The following ASPM variants were observed in gnomAD, a reference collection of about 807,000 sequenced individuals.
ASPM encodes the protein assembly factor for spindle microtubules, also known as abnormal spindle-like microcephaly-associated protein.
Under a neutral mutation model 366.4 loss-of-function variants are expected in ASPM, and 256 were observed. The observed-to-expected ratio is 0.70, with a 90% CI of 0.63 to 0.77. The LOEUF (loss-of-function observed/expected upper bound fraction) is 0.77. ASPM is among the 30% of genes least tolerant of loss of function. The probability of loss-of-function intolerance (pLI) is 0.00; values close to 1 mark genes in which losing one functional copy is unlikely to be tolerated. For synonymous variants in ASPM, 1,414 were observed against 1,342.9 expected, an observed-to-expected ratio of 1.05 and a Z score of -1.16; for missense variants, 4,146 against 4,090.4, an observed-to-expected ratio of 1.01 and a Z score of -0.37.
At chr1:197,137,682 T>C (rs1363935218) in intron 4 of ASPM, among the ~76,000 whole-genome samples, 1 of 152,210 alleles carries the variant, frequency 6.6e-6, no homozygotes, top group African/African-American at 2.4e-5. Flanking sequence ...GGTTTCACCA[T>C]GCCAGCCGGG....
At chr1:197,088,065 A>G in intron 26 of ASPM, 191 bp downstream of exon 26, 1 of 577,414 alleles carries the variant, frequency 1.7e-6, no homozygotes, top group Non-Finnish European at 3.0e-6. Flanking sequence ...TTCAGAATTC[A>G]GTTTCTTTAA....
intron 3 of ASPM, 117 bp downstream of exon 3, chr1:197,142,214 G>T: frequency 9.0e-7 from 1 of 1,116,738 alleles, no homozygotes; most frequent in Non-Finnish European, 1.3e-6. Context: ...CTAAGGAAAT[G>T]TACCCAGCAA....
Position 197,100,866 on chromosome 1 carries a change from T to C in ASPM, c.8385A>G (p.Gln2795=), listed in dbSNP as rs1190711131. The C allele has an allele frequency of 1.9e-6, 3 of 1,612,596 alleles. No homozygotes were observed. Among genetic ancestry groups the C allele is most frequent in the Non-Finnish European group, 2.5e-6 (3 of 1,179,168 alleles). The change falls in exon 18 of 28, where the codon CAA becomes CAG. Residue 2795 remains glutamine, a synonymous_variant. Transcript: ENST00000367409. ...CAAGGCCAGAAGCTTTATACCACTC[T>C]TGAATCATAACACCTTCACTTTGAA... ...EAVQSEGVMI[Q]EWYKASGLAC... is the part of the protein sequence containing the mutation.
chr1:197,129,699 T>TG (rs1184706234), intron 8 of ASPM, among the ~76,000 whole-genome samples: 1 of 151,970 alleles, frequency 6.6e-6, no homozygotes, highest in African/African-American at 2.4e-5. Flanking sequence ...TACAACCTAC[T>TG]GGGGGGAGAG....
In ASPM at chr1:197,096,106, T is replaced by C; in HGVS notation, c.8879A>G (p.Lys2960Arg). The change falls in exon 19 of 28, where the codon AAG (lysine) becomes AGG (arginine). Residue 2960 changes from lysine (K) to arginine (R), a missense_variant. Physicochemically the swap from Lys to Arg is conservative, Grantham distance 26. Around this residue, in one of 3 missense-constraint regions of ASPM, gnomAD observed 3,624 missense variants for 3,591.7 expected, o/e 1.01. Transcript: ENST00000367409. ...CCAACATCTATACCAGGCTTGAATC[T>C]TGCAGGCAGCTTTCACTTTACATAA... Reference protein sequence around the residue: ...KYLCKVKAACKIQAWYRCWRA... With the variant: ...KYLCKVKAACRIQAWYRCWRA... 1 of 1,610,010 alleles carries C rather than the reference T, an allele frequency of 6.2e-7. No individual in the cohort carries two copies. The highest frequency in any genetic ancestry group is 8.5e-7 in the Non-Finnish European group (1 of 1,176,942).
intron 17 of ASPM, among the ~76,000 whole-genome samples, chr1:197,108,045 G>A (rs1223773451): frequency 6.6e-6 from 1 of 151,946 alleles, no homozygotes; most frequent in Admixed American, 6.6e-5. Context: ...TTATCAAATA[G>A]GAAAGAATTG....
chr1:197,101,305 G>A lies in ASPM; in HGVS notation c.7946C>T (p.Ala2649Val), dbSNP rs1657166339. The A allele has an allele frequency of 6.2e-7, 1 of 1,611,668 alleles. No homozygotes were observed. The highest frequency in any genetic ancestry group is 8.5e-7 in the Non-Finnish European group (1 of 1,178,936). Reference protein sequence around the residue: ...KIRKHYLHLRATVVSIQRRYR... With the variant: ...KIRKHYLHLRVTVVSIQRRYR... ...TCTTCTTTGAATAGAAACTACTGTT[G>A]CTCTAAGGTGGAGATAATGCTTCCT... Residue 2649 changes from alanine to valine, a missense_variant, in exon 18 of 28, where the codon GCA becomes GTA. By Grantham distance (64) the Ala-to-Val change is moderately conservative. This residue lies in a region of ASPM where 3,624 missense variants were observed against 3,591.7 expected (regional missense o/e 1.01). Coordinates refer to ENST00000367409, the MANE Select transcript of ASPM (RefSeq NM_018136.5).
At chr1:197,132,572 T>C (rs1017322310) in intron 6 of ASPM, among the ~76,000 whole-genome samples, 3 of 152,010 alleles carry the variant, frequency 2.0e-5, no homozygotes, top group Non-Finnish European at 4.4e-5. Flanking sequence ...AGTTTTGAAA[T>C]ACAAAATCTC....
At chr1:197,126,821 C>A (rs1260019445) in intron 10 of ASPM, among the ~76,000 whole-genome samples, 2 of 152,190 alleles carry the variant, frequency 1.3e-5, no homozygotes, top group African/African-American at 4.8e-5. Context: ...AATCTAGGAT[C>A]TTGTCCTCAT....
intron 19 of ASPM, 116 bp downstream of exon 19, chr1:197,095,881 TA>T (rs1656957811): frequency 1.0e-6 from 1 of 963,478 alleles, no homozygotes; most frequent in Non-Finnish European, 1.5e-6. Flanking sequence ...ACCAACCATA[TA>T]AATTAAGCAT....
At chr1:197,119,969 G>A (rs996897247) in intron 16 of ASPM, among the ~76,000 whole-genome samples, 2 of 152,080 alleles carry the variant, frequency 1.3e-5, no homozygotes, top group Non-Finnish European at 2.9e-5. Flanking sequence ...TAGGGAGCCT[G>A]CTGCTTAATG....
intron 4 of ASPM, chr1:197,139,335 G>T: frequency 2.9e-6 from 2 of 678,578 alleles, no homozygotes; most frequent in Non-Finnish European, 5.2e-6. Flanking sequence ...GGTGGCTCAC[G>T]CCTGAAATCC....
chr1:197,139,257 C>T, intron 4 of ASPM: 2 of 942,142 alleles, frequency 2.1e-6, no homozygotes, highest in Non-Finnish European at 1.7e-6. Context: ...CATCCTTTTA[C>T]CAACTTTCAC....
Position 197,132,352 on chromosome 1 carries a change from C to G in ASPM, c.2420G>C (p.Gly807Ala). ...CCAATTCAGGACTTTCTGACGTTCT[C>G]CTGAAATGCATGTCAAAGGCAAATA... ...RKDRHLWKDV[G>A]ERQKVLNWLL... Residue 807 changes from glycine to alanine, a missense_variant and splice_region_variant, in exon 7 of 28, where the codon GGA becomes GCA. Gly to Ala is a moderately conservative substitution (Grantham distance 60, BLOSUM62 0). Around this residue, in one of 3 missense-constraint regions of ASPM, gnomAD observed 3,624 missense variants for 3,591.7 expected, o/e 1.01. Coordinates refer to ENST00000367409, the MANE Select transcript of ASPM (RefSeq NM_018136.5). 6.2e-7 allele frequency: 1 copy of G among 1,612,950 alleles called. No individual in the cohort carries two copies. Among genetic ancestry groups the G allele is most frequent in the Non-Finnish European group, 8.5e-7 (1 of 1,179,356 alleles).
In ASPM at chr1:197,088,386, T is replaced by G. The variant is rs942934670; in HGVS notation, c.10031A>C (p.Asp3344Ala). The G allele has an allele frequency of 3.1e-6, 5 of 1,609,998 alleles. No homozygotes were observed. Among genetic ancestry groups the G allele is most frequent in the Non-Finnish European group, 3.4e-6 (4 of 1,176,922 alleles). The change falls in exon 26 of 28, where the codon GAT (aspartate) becomes GCT (alanine). Residue 3344 changes from aspartate (D) to alanine (A), a missense_variant. Coordinates refer to ENST00000367409, the MANE Select transcript of ASPM (RefSeq NM_018136.5). The part of the protein sequence containing the change: ...SAVYDVENCI[D>A]ILLELLQIYR... ...TATCTGCAAAAGCTCCAATAGTATATCTATACAATTTTCTACATCATAAAC... is the reference window on the plus strand; with the variant it reads ...TATCTGCAAAAGCTCCAATAGTATAGCTATACAATTTTCTACATCATAAAC...
Position 197,096,028 on chromosome 1 carries a change from C to A in ASPM, c.8957G>T (p.Gly2986Val), listed in dbSNP as rs374416817. The A allele has an allele frequency of 6.2e-6, 10 of 1,609,262 alleles. No individual in the cohort carries two copies. Among genetic ancestry groups the A allele is most frequent in the African/African-American group, 2.7e-5 (2 of 74,668 alleles). ...AILKAVKIIQ[G>V]CFYTKLERTR... ...TCTCTCTAGTTTGGTATAGAAGCAA[C>A]CTTGAATAATTTTAACAGCTTTTAA... is the stretch of plus-strand genomic sequence containing the variant. Residue 2986 changes from glycine to valine, a missense_variant, in exon 19 of 28, where the codon GGT becomes GTT. Transcript: ENST00000367409.
Position 197,133,470 on chromosome 1 carries a change from G to A in ASPM, c.2299C>T (p.Arg767Cys), listed in dbSNP as rs750069132. ...GAAGTAAACAAACGGCATGCTGCAC[G>A]ACGTAGTCTGTTTAACCTACACCGA... Reference protein sequence around the residue: ...TARCRLNRLRRAACRLFTSEK... With the variant: ...TARCRLNRLRCAACRLFTSEK... The change falls in exon 6 of 28, where the codon CGT becomes TGT. Residue 767 changes from arginine (R) to cysteine (C), a missense_variant. Around this residue, in one of 3 missense-constraint regions of ASPM, gnomAD observed 3,624 missense variants for 3,591.7 expected, o/e 1.01. Transcript: ENST00000367409. 16 of 1,613,876 alleles carry A rather than the reference G, an allele frequency of 9.9e-6. No individual in the cohort carries two copies. Among genetic ancestry groups the A allele is most frequent in the South Asian group, 9.9e-5 (9 of 91,060 alleles).
At chr1:197,119,621 A>G (rs958106786) in intron 16 of ASPM, among the ~76,000 whole-genome samples, 7 of 144,284 alleles carry the variant, frequency 4.9e-5, no homozygotes, top group African/African-American at 1.5e-4. Context: ...GTTTCCATGT[A>G]TGGTCATTGA....
intron 4 of ASPM, among the ~76,000 whole-genome samples, chr1:197,136,926 T>C (rs538258323): frequency 1.3e-5 from 2 of 152,282 alleles, no homozygotes; most frequent in South Asian, 2.1e-4. Flanking sequence ...TATAATATCA[T>C]GTTTTATAGC....
Sources: allele counts gnomAD v4.1 joint callset (sites outside exome capture counted in the v4.1 genomes callset), GRCh38; gene constraint gnomAD v4.1.1; regional missense constraint gnomAD v4.1.1; transcripts MANE v1.5; gene names NCBI Gene and HGNC (gene_info 2026-07-23, HGNC 2026-07-21).